CNTN4: variants seen among roughly 807,000 people sequenced by gnomAD.
The protein encoded by CNTN4 is contactin 4, also known as contactin-4.
In CNTN4, 77 loss-of-function variants were observed where a neutral mutation model predicts 122.5. The observed-to-expected ratio is 0.63, with a 90% confidence interval of 0.52 to 0.76. The LOEUF is 0.76. Among genes scored for constraint, CNTN4 ranks in the 30% least tolerant of loss-of-function variants. The probability of loss-of-function intolerance (pLI) is 0.00; values close to 1 mark genes in which losing one functional copy is unlikely to be tolerated. For synonymous variants in CNTN4, 512 were observed against 447.0 expected (o/e 1.15, Z -1.83); for missense variants, 1,256 against 1,259.1 (o/e 1.00, Z 0.04).
chr3:2,980,277 G>C (rs539943642), intron 13 of CNTN4, among the ~76,000 whole-genome samples: 2 of 152,276 alleles, frequency 1.3e-5, no homozygotes, highest in African/African-American at 4.8e-5. Flanking sequence ...ATTAAGTCTT[G>C]TGTCATGTCT....
intron 2 of CNTN4, among the ~76,000 whole-genome samples, chr3:2,228,138 G>T (rs1157647262): frequency 6.6e-6 from 1 of 151,840 alleles, no homozygotes; most frequent in Non-Finnish European, 1.5e-5. Context: ...AAATAAATTG[G>T]CCAAATAATT....
chr3:3,050,235 A>G (rs1026979029), intron 23 of CNTN4, among the ~76,000 whole-genome samples: 4 of 152,026 alleles, frequency 2.6e-5, no homozygotes, highest in South Asian at 2.1e-4. Context: ...TTTCAGTAGA[A>G]CCCACAAATT....
chr3:2,836,388 C>T (rs2093225874), intron 7 of CNTN4, among the ~76,000 whole-genome samples: 1 of 152,102 alleles, frequency 6.6e-6, no homozygotes. Context: ...TTGACAAAGA[C>T]AGCAAAAAGG....
chr3:2,195,664 C>T (rs2037801513), intron 2 of CNTN4, among the ~76,000 whole-genome samples: 1 of 152,174 alleles, frequency 6.6e-6, no homozygotes, highest in Non-Finnish European at 1.5e-5. Flanking sequence ...GGCACTTGTT[C>T]TGATTCCAGA....
At chr3:2,494,972 A>G (rs1215311823) in intron 3 of CNTN4, among the ~76,000 whole-genome samples, 1 of 152,216 alleles carries the variant, frequency 6.6e-6, no homozygotes, top group African/African-American at 2.4e-5. Context: ...ATGAAAAACT[A>G]TACTTGTATA....
intron 2 of CNTN4, among the ~76,000 whole-genome samples, chr3:2,164,362 AAG>A: frequency 6.6e-6 from 1 of 152,244 alleles, no homozygotes. Context: ...GAGGTTTTAT[AAG>A]AGAGAGGATG....
intron 2 of CNTN4, among the ~76,000 whole-genome samples, chr3:2,271,560 G>A (rs2149819334): frequency 6.6e-6 from 1 of 152,194 alleles, no homozygotes. Flanking sequence ...CATTTTTAAT[G>A]TTCTATGTAA....
intron 11 of CNTN4, among the ~76,000 whole-genome samples, 194 bp from the exon 12 acceptor site, chr3:2,902,682 T>C (rs1368385793): frequency 1.3e-5 from 2 of 152,194 alleles, no homozygotes; most frequent in South Asian, 2.1e-4. Context: ...TACCAACTGA[T>C]GTACTGGTTG....
At chr3:2,741,430 C>G (rs1220582313) in intron 5 of CNTN4, among the ~76,000 whole-genome samples, 1 of 152,144 alleles carries the variant, frequency 6.6e-6, no homozygotes, top group Non-Finnish European at 1.5e-5. Context: ...AAAACAACAA[C>G]TCTCTAATGG....
chr3:2,167,086 G>T (rs1423269133), intron 2 of CNTN4, among the ~76,000 whole-genome samples: 1 of 151,982 alleles, frequency 6.6e-6, no homozygotes, highest in Non-Finnish European at 1.5e-5. Context: ...AAATATATAT[G>T]CAAGTTACAA....
chr3:2,121,515 T>A (rs1018935034), intron 2 of CNTN4, among the ~76,000 whole-genome samples: 93 of 137,690 alleles, frequency 6.8e-4, no homozygotes, highest in Non-Finnish European at 2.7e-4. Flanking sequence ...AAAAAAAAAA[T>A]GAAGTTGTGT....
chr3:2,637,349 G>A (rs1228843484), intron 4 of CNTN4, among the ~76,000 whole-genome samples: 1 of 152,148 alleles, frequency 6.6e-6, no homozygotes, highest in Non-Finnish European at 1.5e-5. Context: ...ATAGTTACAA[G>A]TTTAAAAGCA....
intron 3 of CNTN4, among the ~76,000 whole-genome samples, chr3:2,449,958 ATTG>A (rs1192104616): frequency 6.6e-6 from 1 of 152,182 alleles, no homozygotes; most frequent in Admixed American, 6.5e-5. Flanking sequence ...GGAAATGGGA[ATTG>A]TTGTTCAATG....
At chr3:2,584,590 G>A (rs942298409) in intron 4 of CNTN4, among the ~76,000 whole-genome samples, 1 of 149,710 alleles carries the variant, frequency 6.7e-6, no homozygotes, top group African/African-American at 2.5e-5. Context: ...TGTAGTCCCA[G>A]CTCCTCAGGA....
intron 7 of CNTN4, among the ~76,000 whole-genome samples, chr3:2,842,284 C>T (rs1322621970): frequency 6.6e-6 from 1 of 152,114 alleles, no homozygotes; most frequent in African/African-American, 2.4e-5. Flanking sequence ...TGGGCAGTAG[C>T]TGTGGTGGTG....
intron 10 of CNTN4, among the ~76,000 whole-genome samples, chr3:2,894,771 T>A (rs888690739): frequency 1.3e-5 from 2 of 152,216 alleles, no homozygotes; most frequent in Non-Finnish European, 2.9e-5. Flanking sequence ...TTGATTGATC[T>A]GGGTATAACT....
At chr3:2,708,575 G>C (rs1279002473) in intron 4 of CNTN4, among the ~76,000 whole-genome samples, 1 of 152,186 alleles carries the variant, frequency 6.6e-6, no homozygotes, top group Non-Finnish European at 1.5e-5. Context: ...CCATTGGTAT[G>C]GGACTGAGGC....
intron 18 of CNTN4, 139 bp from the exon 19 acceptor site, chr3:3,038,794 A>G (rs1010231331): frequency 1.5e-6 from 1 of 671,714 alleles, no homozygotes; most frequent in East Asian, 2.7e-5. Flanking sequence ...CCCCTTGACA[A>G]TGCTGTTGCT....
chr3:2,150,372 C>T (rs1362559640), intron 2 of CNTN4, among the ~76,000 whole-genome samples: 2 of 152,182 alleles, frequency 1.3e-5, no homozygotes, highest in Non-Finnish European at 2.9e-5. Context: ...TTAACGTAGA[C>T]TTCTGCACAT....
Sources: allele counts gnomAD v4.1 joint callset (sites outside exome capture counted in the v4.1 genomes callset), GRCh38; gene constraint gnomAD v4.1.1; transcripts MANE v1.5; gene names NCBI Gene and HGNC (gene_info 2026-07-23, HGNC 2026-07-21).